SLFN12: variants seen among roughly 807,000 people sequenced by gnomAD.
SLFN12 encodes the protein schlafen family member 12, also known as ribonuclease SLFN12.
SLFN12 carries 25 observed loss-of-function variants against 29.1 expected under a neutral mutation model. The ratio of observed to expected loss-of-function variants is 0.86; its 90% CI spans 0.63 to 1.20. The LOEUF is 1.20. Among genes scored for constraint, SLFN12 ranks in the 50% most tolerant of loss-of-function variants. The probability of loss-of-function intolerance (pLI) is 0.00; values close to 1 mark genes in which losing one functional copy is unlikely to be tolerated. For synonymous variants in SLFN12, 257 were observed against 238.7 expected (o/e 1.08, Z -0.71); for missense variants, 660 against 666.2 (o/e 0.99, Z 0.10).
chr17:35,416,460 T>A (rs971295567), intron 3 of SLFN12, among the ~76,000 whole-genome samples: 4 of 152,122 alleles, frequency 2.6e-5, no homozygotes, highest in Non-Finnish European at 5.9e-5. Context: ...AAGAACTTAT[T>A]CATGTAACCA....
At chr17:35,420,066 A>T (rs970108737) in intron 3 of SLFN12, among the ~76,000 whole-genome samples, 2 of 152,182 alleles carry the variant, frequency 1.3e-5, no homozygotes, top group Non-Finnish European at 2.9e-5. Flanking sequence ...CTTACTTTCA[A>T]GTAAACGAGT....
Position 35,422,788 on chromosome 17 carries a change from T to C in SLFN12, c.241A>G (p.Asn81Asp). The C allele has an allele frequency of 6.2e-7, 1 of 1,613,814 alleles. No individual in the cohort carries two copies. ...TKDGIGLDLE[N>D]SFSNILLFVP... is the part of the protein sequence containing the mutation. ...AATAACAGAATGTTACTAAAAGAAT[T>C]TTCCAAATCTAGTCCTATTCCATCT... is the stretch of plus-strand genomic sequence containing the variant. The change falls in exon 2 of 4, where the codon AAT (asparagine) becomes GAT (aspartate). Residue 81 changes from asparagine to aspartate, a missense_variant. Transcript: ENST00000304905.
In SLFN12 at chr17:35,422,473, C is replaced by CA. The variant is rs747319777; in HGVS notation, c.555dup (p.Asp186Ter). ...TCTTTCCGATCAAGTTCTGTTCTAT[C>CA]AAAAAAAACCCCGGCCAAGGCCTTC... On this transcript the variant is annotated frameshift_variant, in exon 2 of 4. Transcript: ENST00000304905. LOFTEE classifies it high-confidence loss of function. 413 of 1,610,528 alleles carry CA rather than the reference C, an allele frequency of 2.6e-4. 1 individual carries two copies. The highest frequency in any genetic ancestry group is 3.0e-4 in the Non-Finnish European group (352 of 1,178,908).
rs1331355601 is a variant in SLFN12, at chr17:35,422,457, T to A, written c.572A>T (p.Asp191Val). The stretch of plus-strand genomic sequence containing the variant: ...AGTAAAGGTCAATTTTTCTTTCCGA[T>A]CAAGTTCTGTTCTATCAAAAAAAAC... ...AGVFFDRTEL[D>V]RKEKLTFTES... Residue 191 changes from aspartate to valine, a missense_variant, in exon 2 of 4, where the codon GAT becomes GTT. Transcript: ENST00000304905. The A allele has an allele frequency of 1.9e-6, 3 of 1,612,690 alleles. No homozygotes were observed. Among genetic ancestry groups the A allele is most frequent in the Non-Finnish European group, 2.5e-6 (3 of 1,179,676 alleles).
chr17:35,418,356 C>T (rs1481862844), intron 3 of SLFN12, among the ~76,000 whole-genome samples: 2 of 152,080 alleles, frequency 1.3e-5, no homozygotes, highest in Non-Finnish European at 2.9e-5. Flanking sequence ...CCACCTCTGC[C>T]ACCCCAAGAT....
intron 1 of SLFN12, among the ~76,000 whole-genome samples, chr17:35,428,530 C>A (rs1912136151): frequency 6.6e-6 from 1 of 152,040 alleles, no homozygotes; most frequent in Non-Finnish European, 1.5e-5. Flanking sequence ...CTCAGTGTTT[C>A]CTGAAAACTC....
In SLFN12 at chr17:35,422,408, T is replaced by G. The variant is rs1219932129; in HGVS notation, c.621A>C (p.Lys207Asn). The part of the protein sequence containing the change: ...TFTESTHVEI[K>N]NFSTEKLLQR... ...GTAACAACTTTTCTGTCGAGAAGTT[T>G]TTAATTTCAACATGTGTGGATTCAG... Residue 207 changes from lysine to asparagine, a missense_variant, in exon 2 of 4, where the codon AAA (lysine) becomes AAC (asparagine). Physicochemically the swap from Lys to Asn is moderately conservative, Grantham distance 94. Transcript: ENST00000304905. 6.2e-7 allele frequency: 1 copy of G among 1,613,814 alleles called. No individual in the cohort carries two copies. The highest frequency in any genetic ancestry group is 8.5e-7 in the Non-Finnish European group (1 of 1,179,976).
intron 1 of SLFN12, among the ~76,000 whole-genome samples, chr17:35,431,596 C>T (rs1290226022): frequency 2.0e-5 from 3 of 152,118 alleles, no homozygotes; most frequent in Non-Finnish European, 4.4e-5. Context: ...AATCTTAGAG[C>T]GTCAGACGTC....
chr17:35,429,110 A>T (rs1477758785), intron 1 of SLFN12, among the ~76,000 whole-genome samples: 1 of 151,908 alleles, frequency 6.6e-6, no homozygotes, highest in African/African-American at 2.4e-5. Flanking sequence ...CTTTCCTCTT[A>T]GCCCACCTTT....
chr17:35,420,376 A>G lies in SLFN12; in HGVS notation c.1045T>C (p.Ser349Pro), dbSNP rs762511546. 6.2e-7 allele frequency: 1 copy of G among 1,607,672 alleles called. No homozygotes were observed. The highest frequency in any genetic ancestry group is 1.3e-5 in the African/African-American group (1 of 74,878). Residue 349 changes from serine (S) to proline (P), a missense_variant, in exon 3 of 4, where the codon TCC becomes CCC. Transcript: ENST00000304905. Reference protein sequence around the residue: ...QFMVEAEPKFSSSYEEVISQI... With the variant: ...QFMVEAEPKFPSSYEEVISQI... ...GAGATCACCTCTTCATATGAACTGG[A>G]AAATTCTTAAAAACAAAAATATCAC... is the stretch of plus-strand genomic sequence containing the variant.
Position 35,422,820 on chromosome 17 carries a change from T to G in SLFN12, c.209A>C (p.Tyr70Ser), listed in dbSNP as rs773156061. The G allele has an allele frequency of 6.2e-7, 1 of 1,613,794 alleles. No homozygotes were observed. The highest frequency in any genetic ancestry group is 8.5e-7 in the Non-Finnish European group (1 of 1,179,844). Residue 70 changes from tyrosine to serine, a missense_variant, in exon 2 of 4, where the codon TAT becomes TCT. By Grantham distance (144) the Tyr-to-Ser change is moderately radical. Transcript: ENST00000304905. ...KAEIENEDYS[Y>S]TKDGIGLDLE... ...ATCTAGTCCTATTCCATCTTTTGTA[T>G]AACTATAGTCTTCATTCTCAATTTC... is the stretch of plus-strand genomic sequence containing the variant.
intron 3 of SLFN12, among the ~76,000 whole-genome samples, chr17:35,412,704 T>A (rs1911094730): frequency 6.6e-6 from 1 of 151,318 alleles, no homozygotes; most frequent in Non-Finnish European, 1.5e-5. Context: ...CAATAAAAAA[T>A]TACGAGACAG....
chr17:35,429,311 T>C lies in SLFN12; in HGVS notation c.-41+2877A>G, dbSNP rs539404061. On this transcript the variant is annotated intron_variant, in intron 1 of 3. Coordinates refer to ENST00000304905, the MANE Select transcript of SLFN12 (RefSeq NM_018042.5). ...AGGACCCAGCGCTTGTGAACTAGCC[T>C]GGGATCCCGGTCACCCCAGTCCAAC... 1.7e-4 allele frequency among the ~76,000 whole-genome samples: 26 copies of C among 152,182 alleles called. No homozygotes were observed. In the South Asian group the frequency reaches 4.1e-3, roughly 24 times the overall value.
chr17:35,415,629 T>A (rs1911269313), intron 3 of SLFN12, among the ~76,000 whole-genome samples: 1 of 152,006 alleles, frequency 6.6e-6, no homozygotes, highest in Non-Finnish European at 1.5e-5. Flanking sequence ...ATGACTGATA[T>A]CCAGAATCTA....
rs1429106340 is a variant in SLFN12 at position 35,411,344 on chromosome 17, G to A, written c.1731C>T (p.Leu577=). 6.5e-7 allele frequency: 1 copy of A among 1,531,024 alleles called. No individual in the cohort carries two copies. Among genetic ancestry groups the A allele is most frequent in the African/African-American group, 1.4e-5 (1 of 72,164 alleles). 94.8% of individuals were successfully genotyped at this position (1,531,024 alleles called of 1,614,324 possible). A position where few individuals can be genotyped will look rare whatever the true frequency, so the allele number is the denominator to read the frequency against. ...DKKMFKSCRR[L]T Reference sequence around the variant, plus strand: ...TAGCCCAGTCCATTTTCCATCAGGTGAGCCTTCGACAAGATTTAAACATCT... The same window carrying A: ...TAGCCCAGTCCATTTTCCATCAGGTAAGCCTTCGACAAGATTTAAACATCT... The change falls in exon 4 of 4, where the codon CTC becomes CTT. Residue 577 remains leucine, a synonymous_variant. Coordinates refer to ENST00000304905, the MANE Select transcript of SLFN12 (RefSeq NM_018042.5).
intron 3 of SLFN12, among the ~76,000 whole-genome samples, chr17:35,416,328 C>T (rs1436938995): frequency 6.6e-6 from 1 of 151,944 alleles, no homozygotes; most frequent in Non-Finnish European, 1.5e-5. Context: ...AAGAATGATA[C>T]AAAGGACTTT....
intron 1 of SLFN12, among the ~76,000 whole-genome samples, chr17:35,423,389 T>C (rs1320568224): frequency 6.6e-6 from 1 of 152,002 alleles, no homozygotes; most frequent in Non-Finnish European, 1.5e-5. Context: ...CTGGAGTGAG[T>C]CTATGTTTTT....
chr17:35,432,703 T>G (rs1912390613), upstream of SLFN12, among the ~76,000 whole-genome samples: 1 of 152,152 alleles, frequency 6.6e-6, no homozygotes, highest in Admixed American at 6.5e-5. Flanking sequence ...AAAGGAAGTT[T>G]GTGGAAAGTT....
At chr17:35,421,239 A>C (rs1230381895) in intron 2 of SLFN12, among the ~76,000 whole-genome samples, 3 of 149,980 alleles carry the variant, frequency 2.0e-5, no homozygotes, top group Non-Finnish European at 4.4e-5. Context: ...TAAATAAATA[A>C]ATAAATAAAT....
Sources: gnomAD v4.1 joint callset for allele counts (sites outside exome capture counted in the v4.1 genomes callset) on GRCh38, gnomAD v4.1.1 for gene constraint, MANE v1.5 for transcripts, NCBI Gene and HGNC (gene_info 2026-07-23, HGNC 2026-07-21) for gene names.